The following DPP10 variants were observed in gnomAD, a reference collection of about 807,000 sequenced individuals.
The protein encoded by DPP10 is dipeptidyl peptidase like 10.
In DPP10, 33 loss-of-function variants were observed where a neutral mutation model predicts 120.9. The ratio of observed to expected loss-of-function variants is 0.27; its 90% CI spans 0.21 to 0.37. The LOEUF (loss-of-function observed/expected upper bound fraction) is 0.37, where lower values mean the gene tolerates loss of function less well. Ranked by LOEUF, DPP10 falls within the 10% of genes least tolerant of loss-of-function variation. The pLI is 1.00. For missense variants in DPP10, 816 were observed against 942.8 expected (o/e 0.87, Z 1.76); for synonymous variants, 337 against 326.1 (o/e 1.03, Z -0.36).
At chr2:115,571,891 T>C (rs2081357794) in intron 5 of DPP10, among the ~76,000 whole-genome samples, 1 of 151,922 alleles carries the variant, frequency 6.6e-6, no homozygotes, top group African/African-American at 2.4e-5. Flanking sequence ...AATTATGCAG[T>C]CCTGAAGGGA....
chr2:115,730,286 A>G (rs1174855302), intron 8 of DPP10, among the ~76,000 whole-genome samples: 2 of 152,156 alleles, frequency 1.3e-5, no homozygotes, highest in Non-Finnish European at 2.9e-5. Flanking sequence ...AATGAAATAT[A>G]TAGGTCTTAG....
At chr2:114,508,619 G>T (rs1196868799) in intron 1 of DPP10, among the ~76,000 whole-genome samples, 1 of 152,058 alleles carries the variant, frequency 6.6e-6, no homozygotes, top group African/African-American at 2.4e-5. Context: ...AAGGACACTG[G>T]GTTACAATGG....
At chr2:115,384,989 T>G (rs2066810044) in intron 3 of DPP10, among the ~76,000 whole-genome samples, 4 of 152,168 alleles carry the variant, frequency 2.6e-5, no homozygotes, top group African/African-American at 9.7e-5. Context: ...TCATCAGGGA[T>G]TTTTGTTTTG....
chr2:115,533,549 C>A (rs1424343244), intron 5 of DPP10, among the ~76,000 whole-genome samples: 1 of 152,050 alleles, frequency 6.6e-6, no homozygotes, highest in South Asian at 2.1e-4. Flanking sequence ...AGTAACTCTT[C>A]TCTAGTGAAT....
At chr2:115,094,384 A>C (rs1709543160) in intron 1 of DPP10, among the ~76,000 whole-genome samples, 1 of 152,162 alleles carries the variant, frequency 6.6e-6, no homozygotes, top group African/African-American at 2.4e-5. Context: ...TATATATTTT[A>C]GGAGATAGAA....
rs1553450327 is a variant in DPP10, at chr2:114,494,115, A to AAAAAC, written c.60+51281_60+51282insCAAAA. On this transcript the variant is annotated intron_variant, in intron 1 of 25. Coordinates refer to ENST00000410059, the MANE Select transcript of DPP10 (RefSeq NM_020868.6). ...CAGCAATAAGGCAAAAAAAAAAAAA[A>AAAAAC]AAAAAACCCAGCAAATTGTCAATAA... Among the ~76,000 whole-genome samples, 878 of 142,612 alleles carry AAAAAC rather than the reference A, an allele frequency of 6.2e-3. 9 individuals carry two copies. Among genetic ancestry groups the AAAAAC allele is most frequent in the East Asian group, 0.015 (72 of 4,760 alleles). 93.6% of individuals were successfully genotyped at this position (142,612 alleles called of 152,430 possible).
chr2:115,101,719 A>C (rs547825607), intron 1 of DPP10, among the ~76,000 whole-genome samples: 2 of 152,336 alleles, frequency 1.3e-5, no homozygotes, highest in Admixed American at 1.3e-4. Context: ...TCAACATGCC[A>C]AAGATAACTG....
At chr2:114,748,420 T>C (rs187587398) in intron 1 of DPP10, among the ~76,000 whole-genome samples, 4,477 of 145,492 alleles carry the variant, frequency 0.031, 117 homozygotes, top group Middle Eastern at 0.062. Flanking sequence ...TTTTTTATTA[T>C]ACTTTAAGTT....
chr2:115,242,658 C>A (rs957868528), intron 1 of DPP10, among the ~76,000 whole-genome samples: 1 of 150,784 alleles, frequency 6.6e-6, no homozygotes, highest in Non-Finnish European at 1.5e-5. Context: ...TTCACCACAT[C>A]CATGCCAACA....
At chr2:115,840,720 C>T in intron 24 of DPP10, 30 bp from the exon 25 acceptor site, 2 of 1,601,216 alleles carry the variant, frequency 1.2e-6, no homozygotes, top group South Asian at 2.2e-5. Flanking sequence ...CAGTGTGTTT[C>T]TTCAGATATC....
intron 1 of DPP10, among the ~76,000 whole-genome samples, chr2:114,639,018 C>A (rs553721297): frequency 6.6e-6 from 1 of 151,962 alleles, no homozygotes; most frequent in South Asian, 2.1e-4. Context: ...TAATCCTAAA[C>A]AATTTAGTGT....
intron 19 of DPP10, among the ~76,000 whole-genome samples, chr2:115,811,784 TA>T (rs1437356523): frequency 6.6e-6 from 1 of 152,130 alleles, no homozygotes; most frequent in African/African-American, 2.4e-5. Flanking sequence ...TTGGTCCATC[TA>T]GAAAATGGGA....
intron 1 of DPP10, among the ~76,000 whole-genome samples, chr2:114,756,413 T>C (rs1387250348): frequency 6.6e-6 from 1 of 152,200 alleles, no homozygotes; most frequent in Non-Finnish European, 1.5e-5. Context: ...TGGCAACAGT[T>C]AAGCTGGTGA....
intron 5 of DPP10, among the ~76,000 whole-genome samples, chr2:115,530,556 C>G (rs1247654946): frequency 6.6e-6 from 1 of 151,958 alleles, no homozygotes; most frequent in Non-Finnish European, 1.5e-5. Flanking sequence ...GTGGCACACA[C>G]CTGCAGTCCC....
rs541986765 is a variant in DPP10, at chr2:115,743,559, A to G, written c.853-2527A>G. Among the ~76,000 whole-genome samples the G allele has an allele frequency of 3.8e-4, 58 of 152,304 alleles. No homozygotes were observed. In the South Asian group the frequency reaches 0.012, roughly 31 times the overall value. On this transcript the variant is annotated intron_variant, in intron 9 of 25. Transcript: ENST00000410059. Reference sequence around the variant, plus strand: ...ATAAAAAATAGAAGCACAGCTTTTCACTAACTGGAAGATTTAATGTCTTAA... The same window carrying G: ...ATAAAAAATAGAAGCACAGCTTTTCGCTAACTGGAAGATTTAATGTCTTAA...
intron 1 of DPP10, among the ~76,000 whole-genome samples, chr2:114,951,242 C>T (rs940499955): frequency 6.6e-6 from 1 of 152,098 alleles, no homozygotes; most frequent in African/African-American, 2.4e-5. Flanking sequence ...AGGCTCAGCT[C>T]AAGAAAGCTC....
intron 10 of DPP10, among the ~76,000 whole-genome samples, chr2:115,748,358 CTTT>C (rs1559106761): frequency 6.6e-6 from 1 of 150,546 alleles, no homozygotes; most frequent in South Asian, 2.1e-4. Flanking sequence ...TCATTTTTTT[CTTT>C]TTTAGTACTT....
intron 1 of DPP10, among the ~76,000 whole-genome samples, chr2:114,772,983 T>C (rs1254005080): frequency 6.6e-6 from 1 of 152,228 alleles, no homozygotes; most frequent in Non-Finnish European, 1.5e-5. Flanking sequence ...GATTAAAATC[T>C]GGCTTAGAGA....
Position 115,507,544 on chromosome 2 carries a change from A to G in DPP10, c.366+7940A>G, listed in dbSNP as rs2077011659. On this transcript the variant is annotated intron_variant, in intron 4 of 25. Coordinates refer to ENST00000410059, the MANE Select transcript of DPP10 (RefSeq NM_020868.6). ...AGTTGTGTAGGTTGCAAGGCCAGTA[A>G]TTACAAACAACATAGGGTTCAAACT... Among the ~76,000 whole-genome samples, 4 of 152,164 alleles carry G rather than the reference A, an allele frequency of 2.6e-5. 1 individual carries two copies. In the South Asian group the frequency reaches 8.3e-4, roughly 32 times the overall value.
Sources: gnomAD v4.1 joint callset for allele counts (sites outside exome capture counted in the v4.1 genomes callset) on GRCh38, gnomAD v4.1.1 for gene constraint, MANE v1.5 for transcripts, NCBI Gene and HGNC (gene_info 2026-07-23, HGNC 2026-07-21) for gene names.